Variants in SLC23A3 observed in about 807,000 individuals in gnomAD.
The protein encoded by SLC23A3 is solute carrier family 23 member 3, also known as E2-binding protein 3.
In SLC23A3, 41 loss-of-function variants were observed where a neutral mutation model predicts 64.7. That is an observed-to-expected ratio of 0.63 (90% CI 0.49 to 0.82). SLC23A3 has a LOEUF of 0.82. SLC23A3 is among the 40% of genes least tolerant of loss of function. SLC23A3 has a pLI of 0.00. For synonymous variants in SLC23A3, 281 were observed against 306.8 expected (o/e 0.92, Z 0.88); for missense variants, 647 against 733.4 (o/e 0.88, Z 1.36).
chr2:219,168,257 G>A lies in SLC23A3; in HGVS notation c.736C>T (p.Pro246Ser), dbSNP rs1950023973. ...HLGSCQFHVC[P>S]WRRASTSSTH... ...GATGACGTTGAAGCTCGCCTCCAGG[G>A]GCACACATGAAACTGGCAGGAGCCC... is the stretch of plus-strand genomic sequence containing the variant. Residue 246 changes from proline to serine, a missense_variant, in exon 6 of 12, where the codon CCC becomes TCC. Physicochemically the swap from Pro to Ser is moderately conservative, Grantham distance 74 (BLOSUM62 -1). Coordinates refer to ENST00000409878, the MANE Select transcript of SLC23A3 (RefSeq NM_001144889.2). 6.2e-7 allele frequency: 1 copy of A among 1,613,912 alleles called. No homozygotes were observed. Among genetic ancestry groups the A allele is most frequent in the Non-Finnish European group, 8.5e-7 (1 of 1,179,908 alleles).
Position 219,161,765 on chromosome 2 carries a change from C to G in SLC23A3, c.*144G>C. 2.4e-6 allele frequency: 2 copies of G among 849,836 alleles called. No homozygotes were observed. The highest frequency in any genetic ancestry group is 3.5e-6 in the Non-Finnish European group (2 of 575,420). 52.6% of individuals were successfully genotyped at this position (849,836 alleles called of 1,614,324 possible). On this transcript the variant is annotated 3_prime_UTR_variant, in exon 12 of 12. Coordinates refer to ENST00000409878, the MANE Select transcript of SLC23A3 (RefSeq NM_001144889.2). Reference sequence around the variant, plus strand: ...TTAAGACAAGGAAAGGCAACCCACCCTATTGGGAAATGGAACCTCTAGACA... The same window carrying G: ...TTAAGACAAGGAAAGGCAACCCACCGTATTGGGAAATGGAACCTCTAGACA...
chr2:219,164,914 G>T, intron 8 of SLC23A3: 1 of 518,542 alleles, frequency 1.9e-6, no homozygotes, highest in Non-Finnish European at 3.3e-6. Context: ...CCTCTATGAA[G>T]TCCCCAAGAG....
At chr2:219,162,664 C>T (rs924480610) in intron 10 of SLC23A3, among the ~76,000 whole-genome samples, 5 of 152,142 alleles carry the variant, frequency 3.3e-5, no homozygotes, top group Admixed American at 3.3e-4. Context: ...CTCTAGAAAG[C>T]GTAATATTTA....
rs1332034595 is a variant in SLC23A3, at chr2:219,169,204, C to T, written c.419-102G>A. On this transcript the variant is annotated intron_variant, in intron 3 of 11. Transcript: ENST00000409878. The surrounding 1 kb of genome is among the most constrained non-coding windows in gnomAD (Gnocchi z 4.5). ...CACAGGTCCAAGCCCCCTATAGTGT[C>T]ACAGTCTCACCACTGCCCAATCTCA... is the stretch of plus-strand genomic sequence containing the variant. The T allele has an allele frequency of 6.2e-7, 1 of 1,608,812 alleles. No individual in the cohort carries two copies. Among genetic ancestry groups the T allele is most frequent in the Non-Finnish European group, 8.5e-7 (1 of 1,176,404 alleles).
intron 10 of SLC23A3, among the ~76,000 whole-genome samples, chr2:219,162,973 C>G (rs1949965158): frequency 6.6e-6 from 1 of 152,218 alleles, no homozygotes; most frequent in South Asian, 2.1e-4. Flanking sequence ...TTACTGCTCT[C>G]AGGACATATC....
Position 219,162,380 on chromosome 2 carries a change from C to T in SLC23A3, c.1456G>A (p.Asp486Asn). The T allele has an allele frequency of 6.2e-7, 1 of 1,613,738 alleles. No individual in the cohort carries two copies. Among genetic ancestry groups the T allele is most frequent in the African/African-American group, 1.3e-5 (1 of 75,036 alleles). The part of the protein sequence containing the change: ...VLFSTGWSPL[D>N]VLLHSLLTQP... ...GTCAGCAGTGAGTGCAGTAATACAT[C>T]CAAGGGGCTCCAGCCTATGAAGAGT... Residue 486 changes from aspartate to asparagine, a missense_variant, in exon 11 of 12, where the codon GAT becomes AAT. By Grantham distance (23) the Asp-to-Asn change is conservative. Transcript: ENST00000409878.
Position 219,161,891 on chromosome 2 carries a change from C to A in SLC23A3, c.*18G>T. ...AGAGTTAGGGCTAAATTAACCAGGG[C>A]AGAAGTAGGCGTTCTGGTCATTTCT... On this transcript the variant is annotated 3_prime_UTR_variant, in exon 12 of 12. Coordinates refer to ENST00000409878, the MANE Select transcript of SLC23A3 (RefSeq NM_001144889.2). 1 of 1,527,864 alleles carries A rather than the reference C, an allele frequency of 6.5e-7. No individual in the cohort carries two copies. Among genetic ancestry groups the A allele is most frequent in the South Asian group, 1.3e-5 (1 of 77,278 alleles). 94.6% of individuals were successfully genotyped at this position (1,527,864 alleles called of 1,614,324 possible). A position where few individuals can be genotyped will look rare whatever the true frequency, so the allele number is the denominator to read the frequency against.
Position 219,161,865 on chromosome 2 carries a change from G to C in SLC23A3, c.*44C>G, listed in dbSNP as rs1472397000. 1 of 1,511,986 alleles carries C rather than the reference G, an allele frequency of 6.6e-7. No individual in the cohort carries two copies. Among genetic ancestry groups the C allele is most frequent in the East Asian group, 2.3e-5 (1 of 43,934 alleles). The allele number at this position is 1,511,986 out of a possible 1,614,324, so 93.7% of individuals were successfully genotyped here. A position where few individuals can be genotyped will look rare whatever the true frequency, so the allele number is the denominator to read the frequency against. On this transcript the variant is annotated 3_prime_UTR_variant, in exon 12 of 12. Transcript: ENST00000409878. ...TTTGGGAGCTGACTCTCCAGCAGAT[G>C]AGAGTTAGGGCTAAATTAACCAGGG...
At position 219,161,828 on chromosome 2, in the gene SLC23A3, A is replaced by G. The variant is rs1949945607; in HGVS notation, c.*81T>C. The G allele has an allele frequency of 8.3e-6, 12 of 1,443,842 alleles. No individual in the cohort carries two copies. Among genetic ancestry groups the G allele is most frequent in the Non-Finnish European group, 4.7e-6 (5 of 1,069,450 alleles). 89.4% of individuals were successfully genotyped at this position (1,443,842 alleles called of 1,614,324 possible). ...ACACACACACATATCCTCTGCCTAC[A>G]AGAAAGAACAGTTTGGGAGCTGACT... On this transcript the variant is annotated 3_prime_UTR_variant, in exon 12 of 12. Coordinates refer to ENST00000409878, the MANE Select transcript of SLC23A3 (RefSeq NM_001144889.2).
chr2:219,168,587 C>T, intron 5 of SLC23A3, 65 bp downstream of exon 5: 2 of 1,497,420 alleles, frequency 1.3e-6, no homozygotes, highest in Non-Finnish European at 1.8e-6. Context: ...AGCAGTTCTG[C>T]CCTCCCCTAG....
intron 7 of SLC23A3, among the ~76,000 whole-genome samples, chr2:219,165,952 G>A (rs1393711479): frequency 6.6e-6 from 1 of 152,086 alleles, no homozygotes; most frequent in African/African-American, 2.4e-5. Flanking sequence ...TGGCCAACAT[G>A]GTGAAACCCC....
rs760615354 is a variant in SLC23A3, at chr2:219,168,982, C to G, written c.492+47G>C. ...GTGCATAATGGAAACAAGAGCCCCC[C>G]CCAAGCCTGGCACCACCCTTATCCC... On this transcript the variant is annotated intron_variant, in intron 4 of 11. Coordinates refer to ENST00000409878, the MANE Select transcript of SLC23A3 (RefSeq NM_001144889.2). 5.3e-5 allele frequency: 84 copies of G among 1,590,500 alleles called. 1 individual carries two copies. The South Asian group carries it at 6.6e-4, about 13-fold the overall frequency.
rs762322941 is a variant in SLC23A3 at position 219,168,279 on chromosome 2, G to C, written c.714C>G (p.Gly238=). The C allele has an allele frequency of 6.2e-6, 10 of 1,613,258 alleles. No homozygotes were observed. The highest frequency in any genetic ancestry group is 8.5e-6 in the Non-Finnish European group (10 of 1,179,608). The change falls in exon 6 of 12, where the codon GGC becomes GGG. Residue 238 remains glycine (G), a synonymous_variant. Transcript: ENST00000409878. ...LLMVVCSQHL[G]SCQFHVCPWR... ...AGGGGCACACATGAAACTGGCAGGA[G>C]CCCAGGTGCTGAGAACAGACCACCA...
At position 219,170,027 on chromosome 2, in the gene SLC23A3, G is replaced by C; in HGVS notation, c.-43C>G. Reference sequence around the variant, plus strand: ...TTTGTCTTGGCTGCCCGGGACCAGAGTTAAGTAGAGAGAGTAAGAGGTCAG... The same window carrying C: ...TTTGTCTTGGCTGCCCGGGACCAGACTTAAGTAGAGAGAGTAAGAGGTCAG... On this transcript the variant is annotated 5_prime_UTR_variant, in exon 1 of 12. Coordinates refer to ENST00000409878, the MANE Select transcript of SLC23A3 (RefSeq NM_001144889.2). The C allele has an allele frequency of 6.3e-7, 1 of 1,596,586 alleles. No homozygotes were observed. Among genetic ancestry groups the C allele is most frequent in the Non-Finnish European group, 8.5e-7 (1 of 1,172,282 alleles).
intron 8 of SLC23A3, 41 bp from the exon 9 acceptor site, chr2:219,164,379 C>G: frequency 7.7e-7 from 1 of 1,305,870 alleles, no homozygotes; most frequent in Non-Finnish European, 1.1e-6. Context: ...GCCACTTCCT[C>G]AGACTGTCCC....
At chr2:219,168,919 G>A (rs1950032882) in intron 4 of SLC23A3, 86 bp from the exon 5 acceptor site, 3 of 1,552,632 alleles carry the variant, frequency 1.9e-6, no homozygotes, top group South Asian at 1.1e-5. Context: ...CTAAGTATGG[G>A]TTCCTCCCAA....
chr2:219,162,205 C>T lies in SLC23A3; in HGVS notation c.1538-1G>A, dbSNP rs755165525. ...CCTAGGCCTCGCTCAAGCTGTGTGC[C>T]TGCAAAAGAGAGGTTTGTCAGGCTA... On this transcript the variant is annotated splice_acceptor_variant, in intron 11 of 11. Coordinates refer to ENST00000409878, the MANE Select transcript of SLC23A3 (RefSeq NM_001144889.2). LOFTEE classifies it high-confidence loss of function. The T allele has an allele frequency of 6.2e-7, 1 of 1,610,376 alleles. No individual in the cohort carries two copies. Among genetic ancestry groups the T allele is most frequent in the Non-Finnish European group, 8.5e-7 (1 of 1,177,276 alleles).
At chr2:219,163,577 A>G in intron 9 of SLC23A3, 22 bp from the exon 10 acceptor site, 1 of 1,613,714 alleles carries the variant, frequency 6.2e-7, no homozygotes, top group African/African-American at 1.3e-5. Context: ...AGAAGAAATC[A>G]AGGGGGTCAG....
chr2:219,169,847 GC>G lies in SLC23A3; in HGVS notation c.137del (p.Gly46AlafsTer71). 6.2e-7 allele frequency: 1 copy of G among 1,610,506 alleles called. No homozygotes were observed. Among genetic ancestry groups the G allele is most frequent in the Non-Finnish European group, 8.5e-7 (1 of 1,178,566 alleles). On this transcript the variant is annotated frameshift_variant, in exon 1 of 12. Coordinates refer to ENST00000409878, the MANE Select transcript of SLC23A3 (RefSeq NM_001144889.2). LOFTEE classifies it high-confidence loss of function. This position sits in a 1 kb window ranked among gnomAD's most constrained non-coding sequence, Gnocchi z 4.5. The stretch of plus-strand genomic sequence containing the variant: ...CCTGCAGAGCCAGAAGACAGCTGAG[GC>G]CCCAAGGCAGAGATCCACACAAAGG... ...WDPLCGSLPW[G>X]LSCLLALQHV... is the part of the protein sequence containing the mutation.
Sources: allele counts gnomAD v4.1 joint callset (sites outside exome capture counted in the v4.1 genomes callset), GRCh38; gene constraint gnomAD v4.1.1; non-coding constraint Gnocchi (gnomAD v3.1); transcripts MANE v1.5; gene names NCBI Gene and HGNC (gene_info 2026-07-23, HGNC 2026-07-21).